The following BRINP2 variants were observed in gnomAD, a reference collection of about 807,000 sequenced individuals.
The protein encoded by BRINP2 is BMP/retinoic acid inducible neural specific 2.
A neutral mutation model predicts 69.2 loss-of-function variants in BRINP2; 21 were observed. The observed-to-expected ratio is 0.30, with a 90% confidence interval of 0.22 to 0.44. BRINP2 has a LOEUF of 0.44. BRINP2 is among the 20% of genes least tolerant of loss of function. BRINP2 has a pLI of 1.00. For synonymous variants in BRINP2, 380 were observed against 394.1 expected (o/e 0.96, Z 0.42); for missense variants, 877 against 986.0 (o/e 0.89, Z 1.48).
intron 7 of BRINP2, among the ~76,000 whole-genome samples, chr1:177,279,973 G>A (rs1293463856): frequency 6.6e-6 from 1 of 152,152 alleles, no homozygotes; most frequent in Non-Finnish European, 1.5e-5. Context: ...TCTGTTCTTG[G>A]TGGAGGAGTG....
chr1:177,237,282 G>A (rs993692035), intron 2 of BRINP2, among the ~76,000 whole-genome samples: 1 of 152,214 alleles, frequency 6.6e-6, no homozygotes, highest in Non-Finnish European at 1.5e-5. Flanking sequence ...ACGAAAGACA[G>A]ACAAAACAGG....
intron 1 of BRINP2, among the ~76,000 whole-genome samples, chr1:177,220,107 G>T (rs1328156709): frequency 6.6e-6 from 1 of 152,246 alleles, no homozygotes; most frequent in Non-Finnish European, 1.5e-5. Context: ...AGGTCCAATG[G>T]CTAGAATATA....
intron 2 of BRINP2, among the ~76,000 whole-genome samples, chr1:177,255,259 A>G (rs983320016): frequency 2.6e-5 from 4 of 152,174 alleles, no homozygotes; most frequent in African/African-American, 9.6e-5. Context: ...TCCTTGCTAA[A>G]TTTGTTTTGT....
chr1:177,276,339 G>C lies in BRINP2; in HGVS notation c.917G>C (p.Cys306Ser). The C allele has an allele frequency of 1.2e-6, 2 of 1,614,220 alleles. No individual in the cohort carries two copies. The highest frequency in any genetic ancestry group is 1.7e-6 in the Non-Finnish European group (2 of 1,180,050). Residue 306 changes from cysteine to serine, a missense_variant, in exon 6 of 8, where the codon TGC becomes TCC. Physicochemically the swap from Cys to Ser is moderately radical, Grantham distance 112. This residue lies in a region of BRINP2 where 566 missense variants were observed against 625.2 expected (regional missense o/e 0.91). Transcript: ENST00000361539. ...AAGTGCAGCCCCACCTTCCCTGAAT[G>C]CAACTGCCCTGATGCTGACATCCAG... ...WCKCSPTFPE[C>S]NCPDADIQAM...
chr1:177,272,052 C>T (rs535697772), intron 4 of BRINP2, among the ~76,000 whole-genome samples: 1 of 152,204 alleles, frequency 6.6e-6, no homozygotes, highest in Non-Finnish European at 1.5e-5. Flanking sequence ...GTGCTAGACA[C>T]ATGCACTATG....
chr1:177,194,470 A>T (rs1408047518), intron 1 of BRINP2, among the ~76,000 whole-genome samples: 1 of 152,190 alleles, frequency 6.6e-6, no homozygotes, highest in Non-Finnish European at 1.5e-5. Flanking sequence ...TCTGCCTGAA[A>T]AGGACATCCA....
Position 177,257,081 on chromosome 1 carries a change from A to T in BRINP2, c.461-95A>T, listed in dbSNP as rs774131619. ...GGCAGCAGGGGCTGCACTCTCTCTC[A>T]GCTGTGTCTATCTTGGCCAAGGGTT... On this transcript the variant is annotated intron_variant, in intron 3 of 7. Coordinates refer to ENST00000361539, the MANE Select transcript of BRINP2 (RefSeq NM_021165.4). The T allele has an allele frequency of 1.9e-6, 3 of 1,577,580 alleles. No homozygotes were observed. The East Asian group carries it at 6.8e-5, about 36-fold the overall frequency.
chr1:177,244,084 G>A lies in BRINP2; in HGVS notation c.270-11835G>A, dbSNP rs547278803. Among the ~76,000 whole-genome samples the A allele has an allele frequency of 1.4e-4, 22 of 152,240 alleles. No homozygotes were observed. In the South Asian group the frequency reaches 3.7e-3, roughly 26 times the overall value. Reference sequence around the variant, plus strand: ...AAGGAGTGGAATGCAAAAAGAGGGCGAAATGTAAAGCCCTAAACTGAAGTT... The same window carrying A: ...AAGGAGTGGAATGCAAAAAGAGGGCAAAATGTAAAGCCCTAAACTGAAGTT... On this transcript the variant is annotated intron_variant, in intron 2 of 7. Coordinates refer to ENST00000361539, the MANE Select transcript of BRINP2 (RefSeq NM_021165.4).
At chr1:177,214,467 A>G (rs1398823738) in intron 1 of BRINP2, among the ~76,000 whole-genome samples, 1 of 152,216 alleles carries the variant, frequency 6.6e-6, no homozygotes, top group Non-Finnish European at 1.5e-5. Flanking sequence ...ACAACAAACA[A>G]ATAAATAAAA....
At chr1:177,265,402 C>T (rs990078764) in intron 4 of BRINP2, among the ~76,000 whole-genome samples, 1 of 152,170 alleles carries the variant, frequency 6.6e-6, no homozygotes, top group Non-Finnish European at 1.5e-5. Flanking sequence ...CCCTTTGTCC[C>T]TTCTTCATGC....
chr1:177,211,630 G>A (rs1264599023), intron 1 of BRINP2, among the ~76,000 whole-genome samples: 5 of 152,118 alleles, frequency 3.3e-5, no homozygotes, highest in African/African-American at 1.2e-4. Flanking sequence ...TTCAAGTTAT[G>A]GCTTTTTGGC....
At chr1:177,258,725 A>T (rs1650848754) in intron 4 of BRINP2, among the ~76,000 whole-genome samples, 1 of 152,046 alleles carries the variant, frequency 6.6e-6, no homozygotes, top group Non-Finnish European at 1.5e-5. Flanking sequence ...TTGTTATTTT[A>T]TCTGTTATGG....
chr1:177,218,648 G>C (rs1649442194), intron 1 of BRINP2, among the ~76,000 whole-genome samples: 1 of 152,148 alleles, frequency 6.6e-6, no homozygotes, highest in African/African-American at 2.4e-5. Context: ...TGCTGGGAAA[G>C]TTGGATATTT....
chr1:177,272,483 A>G (rs1651357963), intron 4 of BRINP2, among the ~76,000 whole-genome samples: 1 of 152,260 alleles, frequency 6.6e-6, no homozygotes, highest in South Asian at 2.1e-4. Flanking sequence ...CAAAATAAAT[A>G]TGAGCTTCCC....
At chr1:177,172,410 T>G (rs1388034613) in intron 1 of BRINP2, among the ~76,000 whole-genome samples, 1 of 152,218 alleles carries the variant, frequency 6.6e-6, no homozygotes, top group Non-Finnish European at 1.5e-5. Context: ...TCTGTTTTTG[T>G]GATCATCTGG....
intron 1 of BRINP2, among the ~76,000 whole-genome samples, chr1:177,214,806 T>C (rs1649329798): frequency 6.6e-6 from 1 of 152,238 alleles, no homozygotes. Flanking sequence ...TGTATATATT[T>C]ATGGGGCAAA....
intron 3 of BRINP2, 97 bp downstream of exon 3, chr1:177,256,206 C>G (rs1242311786): frequency 1.4e-6 from 2 of 1,460,300 alleles, no homozygotes; most frequent in Non-Finnish European, 1.8e-6. Flanking sequence ...TATCTTCTTC[C>G]GGGCCTTTTA....
rs1651709924 is a variant in BRINP2, at chr1:177,281,713, C to A, written c.*185C>A. On this transcript the variant is annotated 3_prime_UTR_variant, in exon 8 of 8. Coordinates refer to ENST00000361539, the MANE Select transcript of BRINP2 (RefSeq NM_021165.4). ...GAAACAGCTACTGCGTGCGTGCGCG[C>A]ACGCATACACACACACACACACACA... The A allele has an allele frequency of 1.3e-5, 8 of 638,246 alleles. No individual in the cohort carries two copies. The South Asian group carries it at 1.7e-4, about 14-fold the overall frequency. The allele number at this position is 638,246 out of a possible 1,614,324, so 39.5% of individuals were successfully genotyped here.
chr1:177,273,498 C>G lies in BRINP2; in HGVS notation c.680C>G (p.Thr227Ser), dbSNP rs1266840221. 6.2e-7 allele frequency: 1 copy of G among 1,610,628 alleles called. No individual in the cohort carries two copies. Among genetic ancestry groups the G allele is most frequent in the Non-Finnish European group, 8.5e-7 (1 of 1,178,210 alleles). ...IATGAIKVTE[T>S]RTGPLGCSNY... The stretch of plus-strand genomic sequence containing the variant: ...TCCTTCCTTCTCTAGGTCACCGAGA[C>G]CAGGACCGGTCCTCTGGGCTGCAGC... Residue 227 changes from threonine (T) to serine (S), a missense_variant, in exon 5 of 8, where the codon ACC (threonine) becomes AGC (serine). This residue lies in a region of BRINP2 where 566 missense variants were observed against 625.2 expected (regional missense o/e 0.91). Transcript: ENST00000361539.
Sources: gnomAD v4.1 joint callset for allele counts (sites outside exome capture counted in the v4.1 genomes callset) on GRCh38, gnomAD v4.1.1 for gene constraint, gnomAD v4.1.1 regional missense constraint, MANE v1.5 for transcripts, NCBI Gene and HGNC (gene_info 2026-07-23, HGNC 2026-07-21) for gene names.